The following SLC2A13 variants were observed in gnomAD, a reference collection of about 807,000 sequenced individuals.
SLC2A13 encodes proton myo-inositol cotransporter.
Under a neutral mutation model 64.4 loss-of-function variants are expected in SLC2A13, and 32 were observed. The observed-to-expected ratio is 0.50, with a 90% CI of 0.37 to 0.67. The LOEUF (loss-of-function observed/expected upper bound fraction) is 0.67, where lower values mean the gene tolerates loss of function less well. SLC2A13 is among the 30% of genes least tolerant of loss of function. SLC2A13 has a pLI of 0.00. For synonymous variants in SLC2A13, 338 were observed against 327.1 expected (o/e 1.03, Z -0.36); for missense variants, 743 against 829.2 (o/e 0.90, Z 1.28).
chr12:40,061,250 A>G (rs1311921819), intron 1 of SLC2A13, among the ~76,000 whole-genome samples: 1 of 152,134 alleles, frequency 6.6e-6, no homozygotes, highest in Non-Finnish European at 1.5e-5. Context: ...ATATAAATGA[A>G]TCAAATGTAC....
intron 1 of SLC2A13, chr12:40,068,420 T>G (rs1381809062): frequency 2.6e-5 from 7 of 267,264 alleles, no homozygotes; most frequent in Non-Finnish European, 5.2e-5. Flanking sequence ...CTATTGGGGA[T>G]TTCCTCAAAG....
chr12:39,817,243 C>A (rs1344982999), intron 7 of SLC2A13, among the ~76,000 whole-genome samples: 2 of 152,198 alleles, frequency 1.3e-5, no homozygotes, highest in African/African-American at 4.8e-5. Context: ...CAAAGTAGCT[C>A]ATAACCAATT....
chr12:40,073,504 T>C (rs1938044227), intron 1 of SLC2A13, among the ~76,000 whole-genome samples: 1 of 152,170 alleles, frequency 6.6e-6, no homozygotes, highest in Non-Finnish European at 1.5e-5. Flanking sequence ...CTTCATTTAT[T>C]TCTCTCCAAT....
At chr12:39,839,389 T>C (rs2135869415) in intron 6 of SLC2A13, among the ~76,000 whole-genome samples, 1 of 152,100 alleles carries the variant, frequency 6.6e-6, no homozygotes, top group South Asian at 2.1e-4. Flanking sequence ...GACACGTGAG[T>C]AAATAGTTGG....
At chr12:40,094,063 G>T (rs1442294255) in intron 1 of SLC2A13, among the ~76,000 whole-genome samples, 1 of 152,186 alleles carries the variant, frequency 6.6e-6, no homozygotes, top group Non-Finnish European at 1.5e-5. Context: ...GATTGTAGTG[G>T]AAGTGATAAG....
At chr12:40,057,646 C>T (rs921641300) in intron 1 of SLC2A13, among the ~76,000 whole-genome samples, 2 of 152,130 alleles carry the variant, frequency 1.3e-5, no homozygotes, top group African/African-American at 4.8e-5. Flanking sequence ...TTGAGCTACA[C>T]TGATAGAATT....
At chr12:39,789,749 G>C (rs1357691750) in intron 7 of SLC2A13, among the ~76,000 whole-genome samples, 1 of 152,082 alleles carries the variant, frequency 6.6e-6, no homozygotes, top group Non-Finnish European at 1.5e-5. Flanking sequence ...GATAAAAATG[G>C]TATGCCAATA....
chr12:40,006,985 G>T (rs1263613891), intron 3 of SLC2A13, among the ~76,000 whole-genome samples: 1 of 152,078 alleles, frequency 6.6e-6, no homozygotes, highest in African/African-American at 2.4e-5. Flanking sequence ...TCCAGCAATG[G>T]GTCACTAATC....
intron 3 of SLC2A13, among the ~76,000 whole-genome samples, chr12:39,990,831 G>A (rs1947124115): frequency 6.6e-6 from 1 of 152,150 alleles, no homozygotes; most frequent in African/African-American, 2.4e-5. Flanking sequence ...TCTAATCAGA[G>A]CTTTTCAAAC....
chr12:40,045,152 T>C (rs1030343218), intron 2 of SLC2A13, among the ~76,000 whole-genome samples: 8 of 152,098 alleles, frequency 5.3e-5, no homozygotes, highest in South Asian at 2.1e-4. Context: ...CTGGGTATTG[T>C]AGTATAAAAT....
Position 40,020,988 on chromosome 12 carries a change from G to A in SLC2A13, c.925+7313C>T, listed in dbSNP as rs549086269. On this transcript the variant is annotated intron_variant, in intron 3 of 9. Transcript: ENST00000280871. ...AGTAAAATATAGTATGAACCTAACGGTAAGTGGGAAAAAAGAGATCTTTGA... is the reference window on the plus strand; with the variant it reads ...AGTAAAATATAGTATGAACCTAACGATAAGTGGGAAAAAAGAGATCTTTGA... Among the ~76,000 whole-genome samples, 147 of 151,816 alleles carry A rather than the reference G, an allele frequency of 9.7e-4. 1 individual carries two copies. Among genetic ancestry groups the A allele is most frequent in the Non-Finnish European group, 1.7e-3 (116 of 67,924 alleles).
intron 1 of SLC2A13, among the ~76,000 whole-genome samples, chr12:40,087,116 A>G (rs1194774700): frequency 2.0e-5 from 3 of 152,222 alleles, no homozygotes; most frequent in African/African-American, 7.2e-5. Flanking sequence ...TCAATCTTCC[A>G]TACCTCTCAC....
chr12:39,954,156 A>C (rs189872236), intron 3 of SLC2A13, among the ~76,000 whole-genome samples: 2 of 152,298 alleles, frequency 1.3e-5, no homozygotes, highest in Admixed American at 1.3e-4. Context: ...GATACCTGAG[A>C]TTTGGGAAAC....
chr12:39,927,513 A>G (rs192309005), intron 4 of SLC2A13, among the ~76,000 whole-genome samples: 75 of 152,346 alleles, frequency 4.9e-4, no homozygotes, highest in African/African-American at 1.7e-3. Flanking sequence ...TACAATTAAT[A>G]AAATGTTTAA....
chr12:39,886,467 A>G (rs1027049769), intron 4 of SLC2A13, among the ~76,000 whole-genome samples: 1 of 152,182 alleles, frequency 6.6e-6, no homozygotes, highest in Non-Finnish European at 1.5e-5. Flanking sequence ...AAGAAATGCA[A>G]TTATCTATCA....
chr12:39,958,241 C>A (rs892214567), intron 3 of SLC2A13, among the ~76,000 whole-genome samples: 2 of 152,120 alleles, frequency 1.3e-5, no homozygotes, highest in Non-Finnish European at 2.9e-5. Flanking sequence ...CTGTTCTGCA[C>A]CTGTACCTCT....
intron 3 of SLC2A13, among the ~76,000 whole-genome samples, chr12:39,972,012 ATAT>A (rs1292797958): frequency 1.4e-3 from 21 of 14,978 alleles, no homozygotes; most frequent in Non-Finnish European, 2.1e-3. Context: ...ATATATATAT[ATAT>A]TTTTTTTTAT....
chr12:39,922,170 C>T (rs201197875), intron 4 of SLC2A13, among the ~76,000 whole-genome samples: 40 of 152,110 alleles, frequency 2.6e-4, no homozygotes, highest in Admixed American at 1.6e-3. Flanking sequence ...AAAAATGAAA[C>T]GCACAAAGAA....
At chr12:39,928,853 T>C (rs1945773791) in intron 4 of SLC2A13, among the ~76,000 whole-genome samples, 1 of 152,106 alleles carries the variant, frequency 6.6e-6, no homozygotes, top group East Asian at 1.9e-4. Flanking sequence ...TATGACAGAC[T>C]CTGGAAAGTC....
Sources: allele counts gnomAD v4.1 joint callset (sites outside exome capture counted in the v4.1 genomes callset), GRCh38; gene constraint gnomAD v4.1.1; transcripts MANE v1.5; gene names NCBI Gene and HGNC (gene_info 2026-07-23, HGNC 2026-07-21).